DLGAP2: variants seen among roughly 807,000 people sequenced by gnomAD.
DLGAP2 encodes disks large-associated protein 2.
In DLGAP2, 26 loss-of-function variants were observed where a neutral mutation model predicts 100.3. The observed-to-expected ratio is 0.26, with a 90% CI of 0.19 to 0.36. The LOEUF (loss-of-function observed/expected upper bound fraction) is 0.36. DLGAP2 is among the 10% of genes least tolerant of loss of function. The probability of loss-of-function intolerance (pLI) is 1.00; values close to 1 mark genes in which losing one functional copy is unlikely to be tolerated. For synonymous variants in DLGAP2, 886 were observed against 630.1 expected, an observed-to-expected ratio of 1.41 and a Z score of -6.08; for missense variants, 1,858 against 1,453.2, an observed-to-expected ratio of 1.28 and a Z score of -4.53.
intron 2 of DLGAP2, among the ~76,000 whole-genome samples, chr8:1,133,767 A>G (rs1245681177): frequency 6.6e-6 from 1 of 152,240 alleles, no homozygotes; most frequent in East Asian, 1.9e-4. Context: ...TGGATTTCAG[A>G]TAACACAGTA....
chr8:1,410,917 A>G (rs1421853075), intron 3 of DLGAP2, among the ~76,000 whole-genome samples: 2 of 151,046 alleles, frequency 1.3e-5, no homozygotes, highest in Non-Finnish European at 2.9e-5. Context: ...ACATGTAAAT[A>G]TCTTTACTTC....
intron 8 of DLGAP2, among the ~76,000 whole-genome samples, 167 bp downstream of exon 8, chr8:1,633,213 TTGTCTCTTGTAGATAACC>T (rs1401102409): frequency 2.6e-5 from 4 of 152,324 alleles, no homozygotes; most frequent in African/African-American, 7.2e-5. Context: ...CAAGGGTGTT[TTGTCTCTTGTAGATAACC>T]TTTCTTTTTC....
intron 2 of DLGAP2, among the ~76,000 whole-genome samples, chr8:988,620 C>T (rs1056513245): frequency 6.6e-6 from 1 of 152,118 alleles, no homozygotes; most frequent in Non-Finnish European, 1.5e-5. Flanking sequence ...GATGTCCCAC[C>T]CCACGTGGAC....
intron 10 of DLGAP2, 79 bp downstream of exon 10, chr8:1,669,863 G>A (rs2130841205): frequency 5.2e-6 from 4 of 774,588 alleles, no homozygotes; most frequent in South Asian, 2.7e-5. Flanking sequence ...TCATGCGACC[G>A]CTCTTGTCGC....
At chr8:1,248,985 G>C (rs1223506800) in intron 2 of DLGAP2, among the ~76,000 whole-genome samples, 1 of 152,164 alleles carries the variant, frequency 6.6e-6, no homozygotes, top group African/African-American at 2.4e-5. Flanking sequence ...CACAATGTAA[G>C]AGCAGGACCC....
At chr8:1,222,199 C>A (rs927299874) in intron 2 of DLGAP2, among the ~76,000 whole-genome samples, 2 of 152,220 alleles carry the variant, frequency 1.3e-5, no homozygotes, top group Non-Finnish European at 2.9e-5. Flanking sequence ...TCTTTCTCAT[C>A]TGTGTGGGCT....
At chr8:1,514,026 G>C (rs1436592435) in intron 4 of DLGAP2, among the ~76,000 whole-genome samples, 1 of 152,172 alleles carries the variant, frequency 6.6e-6, no homozygotes, top group Non-Finnish European at 1.5e-5. Context: ...ACGTGATATG[G>C]GGCACAGATT....
chr8:1,062,680 C>T (rs1397184148), intron 2 of DLGAP2, among the ~76,000 whole-genome samples: 1 of 152,150 alleles, frequency 6.6e-6, no homozygotes, highest in Non-Finnish European at 1.5e-5. Flanking sequence ...TCTTGCCTTT[C>T]TTATAAGTAA....
intron 2 of DLGAP2, among the ~76,000 whole-genome samples, chr8:1,087,123 TA>T (rs1248358930): frequency 2.0e-5 from 3 of 152,022 alleles, no homozygotes; most frequent in Non-Finnish European, 2.9e-5. Context: ...CATAAATAGA[TA>T]AAAAAGTTAA....
At chr8:890,033 C>A (rs1207948786) in intron 1 of DLGAP2, among the ~76,000 whole-genome samples, 1 of 151,938 alleles carries the variant, frequency 6.6e-6, no homozygotes, top group Non-Finnish European at 1.5e-5. Flanking sequence ...CTCGGGTGGC[C>A]CCCTCACCAC....
intron 6 of DLGAP2, among the ~76,000 whole-genome samples, chr8:1,603,834 G>A (rs1050839653): frequency 6.6e-5 from 10 of 152,036 alleles, no homozygotes; most frequent in African/African-American, 9.7e-5. Flanking sequence ...CTCCCCATGC[G>A]TCCTGCTGGC....
intron 6 of DLGAP2, among the ~76,000 whole-genome samples, chr8:1,615,354 G>A (rs920373087): frequency 6.6e-6 from 1 of 152,172 alleles, no homozygotes; most frequent in Non-Finnish European, 1.5e-5. Context: ...GGAGGAGGGA[G>A]CAGGTGCCGG....
chr8:1,173,127 G>C (rs1362902759), intron 2 of DLGAP2, among the ~76,000 whole-genome samples: 1 of 152,190 alleles, frequency 6.6e-6, no homozygotes, highest in Non-Finnish European at 1.5e-5. Flanking sequence ...CAGGTCTGTT[G>C]GAGTTTGCTA....
At chr8:1,653,683 G>A (rs1798218765) in intron 8 of DLGAP2, among the ~76,000 whole-genome samples, 2 of 68,674 alleles carry the variant, frequency 2.9e-5, no homozygotes, top group African/African-American at 1.0e-4. Flanking sequence ...GCTGTGAACT[G>A]CAGGGGCGGA....
At chr8:1,228,635 T>A (rs1164032313) in intron 2 of DLGAP2, among the ~76,000 whole-genome samples, 1 of 152,194 alleles carries the variant, frequency 6.6e-6, no homozygotes, top group Non-Finnish European at 1.5e-5. Context: ...TGTTTTGACA[T>A]CTGCAAATCA....
intron 2 of DLGAP2, among the ~76,000 whole-genome samples, chr8:1,212,099 T>A (rs374610167): frequency 6.6e-6 from 1 of 152,146 alleles, no homozygotes; most frequent in Non-Finnish European, 1.5e-5. Context: ...AACCTGGGGA[T>A]GTGCAGTGAC....
intron 12 of DLGAP2, among the ~76,000 whole-genome samples, chr8:1,682,306 C>G (rs1221997747): frequency 6.6e-6 from 1 of 152,174 alleles, no homozygotes; most frequent in East Asian, 1.9e-4. Context: ...AAAGTCCCTA[C>G]AAAGGGCTTT....
intron 4 of DLGAP2, among the ~76,000 whole-genome samples, chr8:1,513,220 A>C (rs1197062415): frequency 8.1e-6 from 1 of 123,628 alleles, no homozygotes. Context: ...TGGGATAAGC[A>C]TCTGCCTTTC....
At position 859,148 on chromosome 8, in the gene DLGAP2, A is replaced by G. The variant is rs372690722; in HGVS notation, c.19-48764A>G. Among the ~76,000 whole-genome samples the G allele has an allele frequency of 1.7e-3, 247 of 145,098 alleles. 13 individuals carry two copies. In the South Asian group the frequency reaches 0.049, roughly 29 times the overall value. The stretch of plus-strand genomic sequence containing the variant: ...TTTTTTTGAGATGGAGTCTCGCTCT[A>G]TTGCCCAGGCTGGAGTGCAGTGGCG... On this transcript the variant is annotated intron_variant, in intron 1 of 14. Coordinates refer to ENST00000637795, the MANE Select transcript of DLGAP2 (RefSeq NM_001346810.2).
Sources: allele counts gnomAD v4.1 joint callset (sites outside exome capture counted in the v4.1 genomes callset), GRCh38; gene constraint gnomAD v4.1.1; transcripts MANE v1.5; gene names NCBI Gene and HGNC (gene_info 2026-07-23, HGNC 2026-07-21).